NSUN7: variants seen among roughly 807,000 people sequenced by gnomAD.
NSUN7 encodes the protein NOP2/Sun RNA methyltransferase family member 7.
In NSUN7, 39 loss-of-function variants were observed where a neutral mutation model predicts 58.5. The ratio of observed to expected loss-of-function variants is 0.67; its 90% CI spans 0.52 to 0.87. The LOEUF (loss-of-function observed/expected upper bound fraction) is 0.87. Ranked by LOEUF, NSUN7 falls within the 40% of genes least tolerant of loss-of-function variation. The pLI is 0.00. For missense variants in NSUN7, 765 were observed against 844.1 expected (o/e 0.91, Z 1.16); for synonymous variants, 278 against 303.7 (o/e 0.92, Z 0.88).
chr4:40,793,524 G>A (rs1438744352), intron 8 of NSUN7, among the ~76,000 whole-genome samples: 1 of 152,136 alleles, frequency 6.6e-6, no homozygotes, highest in Non-Finnish European at 1.5e-5. Flanking sequence ...GGAAGAAATG[G>A]AGTTTAATTA....
chr4:40,786,326 A>G (rs1742823030), intron 7 of NSUN7: 1 of 1,612,154 alleles, frequency 6.2e-7, no homozygotes, highest in African/African-American at 1.3e-5. Context: ...GTCACTTTTC[A>G]TTTCTGGGAT....
intron 7 of NSUN7, among the ~76,000 whole-genome samples, chr4:40,780,811 ATATTTT>A (rs1278610530): frequency 1.4e-4 from 13 of 94,080 alleles, no homozygotes; most frequent in African/African-American, 5.5e-4. Flanking sequence ...ATATATATAT[ATATTTT>A]TTTTTTTTTT....
intron 8 of NSUN7, among the ~76,000 whole-genome samples, chr4:40,793,585 T>C (rs1743193614): frequency 6.6e-6 from 1 of 152,216 alleles, no homozygotes. Flanking sequence ...ATGGTATAAA[T>C]AATTGGCTGT....
rs750282188 is a variant in NSUN7 at position 40,808,623 on chromosome 4, C to CA, written c.1842dup (p.Val615SerfsTer15). The CA allele has an allele frequency of 6.4e-7, 1 of 1,551,822 alleles. No homozygotes were observed. Among genetic ancestry groups the CA allele is most frequent in the South Asian group, 1.2e-5 (1 of 84,044 alleles). ...CCCAACAAGCTGGCCCCCCATCCTG[C>CA]AGTGCCTGCATTTGTGAAGAACACT... On this transcript the variant is annotated frameshift_variant, in exon 12 of 12. Transcript: ENST00000381782. LOFTEE classifies it low-confidence loss of function (END_TRUNC).
In NSUN7 at chr4:40,760,421, C is replaced by T. The variant is rs1258640003; in HGVS notation, c.299-13C>T. On this transcript the variant is annotated splice_polypyrimidine_tract_variant and intron_variant, in intron 2 of 11. Transcript: ENST00000381782. ...TTGTATTTTCAGTAACAGGCCTTTC[C>T]CTTGTTTTGCAGATCAAGATATTTT... 4 of 1,603,630 alleles carry T rather than the reference C, an allele frequency of 2.5e-6. No homozygotes were observed. Among genetic ancestry groups the T allele is most frequent in the Non-Finnish European group, 2.6e-6 (3 of 1,174,178 alleles).
Position 40,775,024 on chromosome 4 carries a change from A to G in NSUN7, c.825+74A>G, listed in dbSNP as rs1047359464. 6.0e-6 allele frequency: 4 copies of G among 663,892 alleles called. No homozygotes were observed. The highest frequency in any genetic ancestry group is 5.5e-5 in the African/African-American group (3 of 54,122). 41.1% of individuals were successfully genotyped at this position (663,892 alleles called of 1,614,324 possible). Reference sequence around the variant, plus strand: ...CAAAGAACTTCTCCACTTAAAAATAAAACCTAACACTGTTTATATTTTTAT... The same window carrying G: ...CAAAGAACTTCTCCACTTAAAAATAGAACCTAACACTGTTTATATTTTTAT... On this transcript the variant is annotated intron_variant, in intron 6 of 11. Coordinates refer to ENST00000381782, the MANE Select transcript of NSUN7 (RefSeq NM_024677.6). This position sits in a 1 kb window ranked among gnomAD's most constrained non-coding sequence, Gnocchi z 4.3.
chr4:40,791,134 C>A (rs1330894696), intron 8 of NSUN7, among the ~76,000 whole-genome samples: 2 of 152,066 alleles, frequency 1.3e-5, no homozygotes, highest in Non-Finnish European at 2.9e-5. Flanking sequence ...AGCTAAGATT[C>A]AAATTTAGAT....
At chr4:40,795,463 C>T (rs1327699204) in intron 9 of NSUN7, among the ~76,000 whole-genome samples, 2 of 152,122 alleles carry the variant, frequency 1.3e-5, no homozygotes, top group Admixed American at 1.3e-4. Context: ...AAGCCTTTTA[C>T]TTGAAGCATT....
chr4:40,750,947 C>T lies in NSUN7; in HGVS notation c.254C>T (p.Ser85Phe). 1 of 1,614,166 alleles carries T rather than the reference C, an allele frequency of 6.2e-7. No homozygotes were observed. The highest frequency in any genetic ancestry group is 8.5e-7 in the Non-Finnish European group (1 of 1,180,032). ...LRSLSESEDQ[S>F]FQRLSYELAF... is the part of the protein sequence containing the mutation. Reference sequence around the variant, plus strand: ...TCCTTGTCCGAGTCTGAGGATCAGTCCTTTCAGCGTTTGTCTTATGAGCTG... The same window carrying T: ...TCCTTGTCCGAGTCTGAGGATCAGTTCTTTCAGCGTTTGTCTTATGAGCTG... The change falls in exon 2 of 12, where the codon TCC becomes TTC. Residue 85 changes from serine (S) to phenylalanine (F), a missense_variant. By Grantham distance (155) the Ser-to-Phe change is radical (BLOSUM62 -2). Coordinates refer to ENST00000381782, the MANE Select transcript of NSUN7 (RefSeq NM_024677.6).
intron 8 of NSUN7, among the ~76,000 whole-genome samples, chr4:40,792,769 G>T (rs1743151758): frequency 6.6e-6 from 1 of 151,530 alleles, no homozygotes; most frequent in Non-Finnish European, 1.5e-5. Flanking sequence ...AAAAAAAGTT[G>T]TCGTATCCTG....
At chr4:40,802,733 C>T (rs373209860) in intron 10 of NSUN7, among the ~76,000 whole-genome samples, 1 of 150,996 alleles carries the variant, frequency 6.6e-6, no homozygotes, top group East Asian at 1.9e-4. Flanking sequence ...ACATATATTG[C>T]ATGAAAAAGT....
chr4:40,807,009 C>G (rs1331387187), intron 10 of NSUN7, 52 bp from the exon 11 acceptor site: 4 of 1,532,986 alleles, frequency 2.6e-6, no homozygotes, highest in Non-Finnish European at 2.6e-6. Context: ...TTCTTCCTCT[C>G]TTGGCAAAGA....
intron 7 of NSUN7, among the ~76,000 whole-genome samples, chr4:40,788,149 G>C (rs1742919703): frequency 6.6e-6 from 1 of 152,186 alleles, no homozygotes; most frequent in African/African-American, 2.4e-5. Context: ...GCCTCTTCCT[G>C]AGATGGGAAA....
Position 40,794,720 on chromosome 4 carries a change from C to T in NSUN7, c.1282+244C>T, listed in dbSNP as rs370136349. Among the ~76,000 whole-genome samples the T allele has an allele frequency of 6.6e-5, 10 of 152,086 alleles. No homozygotes were observed. The East Asian group carries it at 9.6e-4, about 15-fold the overall frequency. On this transcript the variant is annotated intron_variant, in intron 9 of 11. Transcript: ENST00000381782. Reference sequence around the variant, plus strand: ...GCATAATTTACCAATTTTGTAATGCCGAAGTGAAATAATTATGTATATTTG... The same window carrying T: ...GCATAATTTACCAATTTTGTAATGCTGAAGTGAAATAATTATGTATATTTG...
chr4:40,808,168 T>A (rs537427499), intron 11 of NSUN7, 139 bp from the exon 12 acceptor site: 8 of 954,748 alleles, frequency 8.4e-6, no homozygotes, highest in Middle Eastern at 3.4e-4. Flanking sequence ...GATTGGGGAC[T>A]AAGGCCTAAA....
chr4:40,808,389 G>T lies in NSUN7; in HGVS notation c.1607G>T (p.Gly536Val). ...GGTCTGCTGGATGGGATTGAGTTGG[G>T]TAAATCATCAAAACGGGAGAAGAAG... The part of the protein sequence containing the change: ...AKGLLDGIEL[G>V]KSSKREKKKK... The change falls in exon 12 of 12, where the codon GGT becomes GTT. Residue 536 changes from glycine (G) to valine (V), a missense_variant. Physicochemically the swap from Gly to Val is moderately radical, Grantham distance 109. Transcript: ENST00000381782. 6.2e-7 allele frequency: 1 copy of T among 1,614,056 alleles called. No homozygotes were observed. Among genetic ancestry groups the T allele is most frequent in the Non-Finnish European group, 8.5e-7 (1 of 1,180,006 alleles).
At position 40,790,082 on chromosome 4, in the gene NSUN7, T is replaced by TTTTTC. The variant is rs1553919190; in HGVS notation, c.1037-520_1037-519insTTTTC. ...CCCCCACCTTTTTTTTTTTTTTTTT[T>TTTTTC]CTGGAGAGAAGATAGAACATAAAAG... On this transcript the variant is annotated intron_variant, in intron 7 of 11. Coordinates refer to ENST00000381782, the MANE Select transcript of NSUN7 (RefSeq NM_024677.6). Among the ~76,000 whole-genome samples the TTTTTC allele has an allele frequency of 4.9e-3, 677 of 137,324 alleles. 2 individuals carry two copies. Among genetic ancestry groups the TTTTTC allele is most frequent in the Non-Finnish European group, 8.9e-3 (553 of 61,884 alleles). 90.1% of individuals were successfully genotyped at this position (137,324 alleles called of 152,430 possible).
chr4:40,776,914 G>T (rs1252155987), intron 7 of NSUN7, among the ~76,000 whole-genome samples: 1 of 152,208 alleles, frequency 6.6e-6, no homozygotes, highest in Non-Finnish European at 1.5e-5. Context: ...TACCAGGCCT[G>T]GCCTAGGAGC....
Position 40,760,482 on chromosome 4 carries a change from G to A in NSUN7, c.347G>A (p.Ser116Asn), listed in dbSNP as rs1374550329. 4 of 1,600,970 alleles carry A rather than the reference G, an allele frequency of 2.5e-6. No individual in the cohort carries two copies. In the South Asian group the frequency reaches 4.5e-5, roughly 18 times the overall value. ...TILIDSCIFPSTTIPDHLSSL... is the reference protein window; with the variant it reads ...TILIDSCIFPNTTIPDHLSSL... ...TTGATAGACAGCTGTATCTTCCCAA[G>A]TACCACAATAGTAAGTAGATAAGTT... The change falls in exon 3 of 12, where the codon AGT becomes AAT. Residue 116 changes from serine (S) to asparagine (N), a missense_variant. Physicochemically the swap from Ser to Asn is conservative, Grantham distance 46 (BLOSUM62 1). Transcript: ENST00000381782.
Sources: allele counts gnomAD v4.1 joint callset (sites outside exome capture counted in the v4.1 genomes callset), GRCh38; gene constraint gnomAD v4.1.1; non-coding constraint Gnocchi (gnomAD v3.1); transcripts MANE v1.5; gene names NCBI Gene and HGNC (gene_info 2026-07-23, HGNC 2026-07-21).